The following COL23A1 variants were observed in gnomAD, a reference collection of about 807,000 sequenced individuals.
COL23A1 encodes the protein collagen alpha-1(XXIII) chain.
A neutral mutation model predicts 99.3 loss-of-function variants in COL23A1; 97 were observed. That is an observed-to-expected ratio of 0.98 (90% CI 0.83 to 1.16). COL23A1 has a LOEUF of 1.16. Among genes scored for constraint, COL23A1 ranks in the 50% most tolerant of loss-of-function variants. The probability of loss-of-function intolerance (pLI) is 0.00; values close to 1 mark genes in which losing one functional copy is unlikely to be tolerated. For synonymous variants in COL23A1, 320 were observed against 308.2 expected, an observed-to-expected ratio of 1.04 and a Z score of -0.40; for missense variants, 762 against 757.4, an observed-to-expected ratio of 1.01 and a Z score of -0.07.
chr5:178,256,251 G>T, intron 15 of COL23A1, 102 bp downstream of exon 15: 1 of 726,512 alleles, frequency 1.4e-6, no homozygotes, highest in Non-Finnish European at 2.1e-6. Context: ...AGTTCCTGTA[G>T]CTCCACTGCT....
intron 2 of COL23A1, among the ~76,000 whole-genome samples, chr5:178,542,493 C>T (rs925693947): frequency 6.6e-6 from 1 of 152,162 alleles, no homozygotes; most frequent in Non-Finnish European, 1.5e-5. Flanking sequence ...GAAGGGCCTG[C>T]GCTGGTCACT....
intron 2 of COL23A1, among the ~76,000 whole-genome samples, chr5:178,385,091 G>A (rs1245224635): frequency 6.6e-6 from 1 of 152,148 alleles, no homozygotes; most frequent in Admixed American, 6.5e-5. Context: ...TCACAGCTGG[G>A]GAACAAGCAT....
Position 178,377,463 on chromosome 5 carries a change from TC to T in COL23A1, c.362-70545del, listed in dbSNP as rs201626763. On this transcript the variant is annotated intron_variant, in intron 2 of 28. Transcript: ENST00000390654. ...ATTCGGCAGTCAGTCCCGACATGGG[TC>T]TACCCAAACTCACTAGTGAAAACTC... Among the ~76,000 whole-genome samples, 1,056 of 152,238 alleles carry T rather than the reference TC, an allele frequency of 6.9e-3. 13 individuals are homozygous for T. Among genetic ancestry groups the T allele is most frequent in the African/African-American group, 0.024 (1,008 of 41,538 alleles).
chr5:178,373,160 T>G (rs1194257859), intron 2 of COL23A1, among the ~76,000 whole-genome samples: 3 of 152,122 alleles, frequency 2.0e-5, no homozygotes, highest in Admixed American at 2.0e-4. Flanking sequence ...CCCAAAACAC[T>G]GACATGGGTT....
At chr5:178,411,244 C>T (rs1435164942) in intron 2 of COL23A1, among the ~76,000 whole-genome samples, 1 of 152,130 alleles carries the variant, frequency 6.6e-6, no homozygotes, top group Non-Finnish European at 1.5e-5. Context: ...TTTGGTGGTT[C>T]CTCAAAATCT....
chr5:178,261,707 A>G lies in COL23A1; in HGVS notation c.702+15T>C, dbSNP rs377175080. On this transcript the variant is annotated intron_variant, in intron 11 of 28. Coordinates refer to ENST00000390654, the MANE Select transcript of COL23A1 (RefSeq NM_173465.4). Reference sequence around the variant, plus strand: ...CCAGATCTGGGGAGGGGCATGGGGAATAAGGAGTACTCACCTTGGGCCCTG... The same window carrying G: ...CCAGATCTGGGGAGGGGCATGGGGAGTAAGGAGTACTCACCTTGGGCCCTG... 4.4e-6 allele frequency: 7 copies of G among 1,602,840 alleles called. No homozygotes were observed. Among genetic ancestry groups the G allele is most frequent in the Non-Finnish European group, 5.1e-6 (6 of 1,169,984 alleles).
rs11955471 is a variant in COL23A1 at position 178,472,078 on chromosome 5, C to T, written c.361+88604G>A. Among the ~76,000 whole-genome samples the T allele has an allele frequency of 2.1e-3, 315 of 152,264 alleles. 2 individuals carry two copies. The highest frequency in any genetic ancestry group is 7.4e-3 in the African/African-American group (306 of 41,556). ...AGCTCAAGGAGGGAGGATGGCTTGA[C>T]CTGGGGAGGTCGAGGCTGCAGTGAG... On this transcript the variant is annotated intron_variant, in intron 2 of 28. Transcript: ENST00000390654.
rs768592831 is a variant in COL23A1, at chr5:178,263,314, C to T, written c.533G>A (p.Gly178Glu). Residue 178 changes from glycine (G) to glutamate (E), a missense_variant, in exon 9 of 29, where the codon GGA (glycine) becomes GAA (glutamate). Physicochemically the swap from Gly to Glu is moderately conservative, Grantham distance 98. Transcript: ENST00000390654. ...PGDFGPRGDQGQDGAAGPPGP... is the reference protein window; with the variant it reads ...PGDFGPRGDQEQDGAAGPPGP... ...CGGAGGCCCAGCAGCTCCATCTTGT[C>T]CTTGGTCTCCCTGAAAGAGATGGGG... 38 of 1,593,538 alleles carry T rather than the reference C, an allele frequency of 2.4e-5. No homozygotes were observed. In the South Asian group the frequency reaches 4.2e-4, roughly 17 times the overall value.
intron 2 of COL23A1, among the ~76,000 whole-genome samples, chr5:178,517,570 T>TTTTTTTTTTTTG: frequency 7.3e-6 from 1 of 136,436 alleles, no homozygotes; most frequent in Non-Finnish European, 1.6e-5. Context: ...TTTTTTTTGT[T>TTTTTTTTTTTTG]TTTTTTTTTG....
intron 5 of COL23A1, among the ~76,000 whole-genome samples, chr5:178,285,603 G>A (rs1757108698): frequency 6.6e-6 from 1 of 152,180 alleles, no homozygotes; most frequent in Non-Finnish European, 1.5e-5. Flanking sequence ...ACTGGAAATG[G>A]CCTCTGTGTC....
chr5:178,426,465 C>T (rs145100304), intron 2 of COL23A1, among the ~76,000 whole-genome samples: 18 of 152,362 alleles, frequency 1.2e-4, no homozygotes, highest in East Asian at 3.9e-4. Flanking sequence ...CACACTCCCA[C>T]GCATGTCCCA....
chr5:178,369,518 A>C (rs1762686512), intron 2 of COL23A1, among the ~76,000 whole-genome samples: 1 of 152,166 alleles, frequency 6.6e-6, no homozygotes, highest in Non-Finnish European at 1.5e-5. Flanking sequence ...CTGTATCCCC[A>C]CCCAAATCTC....
chr5:178,378,751 G>A (rs188394465), intron 2 of COL23A1, among the ~76,000 whole-genome samples: 1 of 152,286 alleles, frequency 6.6e-6, no homozygotes, highest in Admixed American at 6.5e-5. Context: ...GGTGAGGAAG[G>A]ACCCTCATCA....
chr5:178,259,751 G>A lies in COL23A1; in HGVS notation c.703-4C>T, dbSNP rs772055968. The A allele has an allele frequency of 1.2e-6, 2 of 1,603,342 alleles. No individual in the cohort carries two copies. The highest frequency in any genetic ancestry group is 1.7e-6 in the Non-Finnish European group (2 of 1,173,224). On this transcript the variant is annotated splice_region_variant and splice_polypyrimidine_tract_variant and intron_variant, in intron 11 of 28. Transcript: ENST00000390654. ...TTCCAGGTACTCCAGGCTCACCCTGGGGGAGGCAATGGGGGGTTCAAGAGC... is the reference window on the plus strand; with the variant it reads ...TTCCAGGTACTCCAGGCTCACCCTGAGGGAGGCAATGGGGGGTTCAAGAGC...
At chr5:178,311,095 C>T (rs937263163) in intron 2 of COL23A1, among the ~76,000 whole-genome samples, 3 of 152,128 alleles carry the variant, frequency 2.0e-5, no homozygotes, top group Non-Finnish European at 4.4e-5. Context: ...GGGACCCACA[C>T]GGCTCTGAGC....
At chr5:178,349,547 A>C (rs1581199815) in intron 2 of COL23A1, among the ~76,000 whole-genome samples, 24 of 56,076 alleles carry the variant, frequency 4.3e-4, no homozygotes, top group South Asian at 5.7e-4. Context: ...GCCACCCCCC[A>C]CGCCCCACGC....
At chr5:178,277,990 G>T (rs988386448) in intron 5 of COL23A1, among the ~76,000 whole-genome samples, 44 of 152,224 alleles carry the variant, frequency 2.9e-4, no homozygotes, top group African/African-American at 1.0e-3. Context: ...GGCACAGAGG[G>T]CTGTTCTGGT....
intron 3 of COL23A1, among the ~76,000 whole-genome samples, chr5:178,299,549 A>G (rs1036823055): frequency 2.0e-5 from 3 of 152,062 alleles, no homozygotes; most frequent in Non-Finnish European, 4.4e-5. Context: ...TTTCTTGGTC[A>G]GTCTAGTTAA....
intron 18 of COL23A1, among the ~76,000 whole-genome samples, chr5:178,249,714 ACACTCTCTCTCTCT>A (rs1581448040): frequency 1.7e-5 from 2 of 116,218 alleles, no homozygotes; most frequent in Non-Finnish European, 3.6e-5. Flanking sequence ...ACACACACAC[ACACTCTCTCTCTCT>A]CTCTCTCTCT....
Sources: gnomAD v4.1 joint callset for allele counts (sites outside exome capture counted in the v4.1 genomes callset) on GRCh38, gnomAD v4.1.1 for gene constraint, MANE v1.5 for transcripts, NCBI Gene and HGNC (gene_info 2026-07-23, HGNC 2026-07-21) for gene names.